TAX1BP1: variants seen among roughly 807,000 people sequenced by gnomAD.
TAX1BP1 encodes the protein Tax1 binding protein 1.
TAX1BP1 carries 62 observed loss-of-function variants against 97.7 expected under a neutral mutation model. The ratio of observed to expected loss-of-function variants is 0.63; its 90% CI spans 0.52 to 0.78. The LOEUF is 0.78. TAX1BP1 is among the 30% of genes least tolerant of loss of function. TAX1BP1 has a pLI of 0.00. For missense variants in TAX1BP1, 867 were observed against 916.1 expected, an observed-to-expected ratio of 0.95 and a Z score of 0.69; for synonymous variants, 340 against 304.2, an observed-to-expected ratio of 1.12 and a Z score of -1.23.
intron 4 of TAX1BP1, among the ~76,000 whole-genome samples, chr7:27,767,379 A>C (rs1788685032): frequency 6.6e-6 from 1 of 152,162 alleles, no homozygotes; most frequent in Non-Finnish European, 1.5e-5. Flanking sequence ...AGACTGGAGT[A>C]AAAAGACAAG....
chr7:27,766,046 A>G (rs1253550972), intron 4 of TAX1BP1, 25 bp downstream of exon 4: 19 of 1,596,632 alleles, frequency 1.2e-5, no homozygotes, highest in Non-Finnish European at 1.4e-5. Context: ...TGAGATAGTG[A>G]TTCATTGATA....
rs1270722613 is a variant in TAX1BP1 at position 27,753,345 on chromosome 7, A to T, written c.162+4659A>T. ...CTGCACCTGATGCCATATCTTTATT[A>T]TTAAACCAACGTTAATTGCAGTAAA... On this transcript the variant is annotated intron_variant, in intron 2 of 16. Transcript: ENST00000396319. Among the ~76,000 whole-genome samples, 4 of 152,370 alleles carry T rather than the reference A, an allele frequency of 2.6e-5. No individual in the cohort carries two copies. In the East Asian group the frequency reaches 7.7e-4, roughly 29 times the overall value.
intron 3 of TAX1BP1, among the ~76,000 whole-genome samples, chr7:27,764,178 A>G (rs1788534265): frequency 6.6e-6 from 1 of 152,226 alleles, no homozygotes; most frequent in South Asian, 2.1e-4. Context: ...CTAAAGTACA[A>G]ACCTTACTCA....
intron 2 of TAX1BP1, among the ~76,000 whole-genome samples, chr7:27,756,342 A>G (rs961403426): frequency 6.6e-6 from 1 of 152,096 alleles, no homozygotes; most frequent in African/African-American, 2.4e-5. Context: ...CTTAAGAACT[A>G]TTGTTTAGTT....
At chr7:27,799,751 A>T (rs1245354752) in intron 12 of TAX1BP1, among the ~76,000 whole-genome samples, 1 of 152,148 alleles carries the variant, frequency 6.6e-6, no homozygotes, top group African/African-American at 2.4e-5. Flanking sequence ...GTCAATTTGT[A>T]CATCTGCCTT....
At chr7:27,773,592 T>C (rs552077310) in intron 5 of TAX1BP1, among the ~76,000 whole-genome samples, 4 of 152,096 alleles carry the variant, frequency 2.6e-5, no homozygotes, top group Non-Finnish European at 5.9e-5. Context: ...TAGCATAATG[T>C]TTTCAAGGTT....
intron 4 of TAX1BP1, among the ~76,000 whole-genome samples, chr7:27,767,847 A>G (rs530926820): frequency 6.6e-6 from 1 of 152,062 alleles, no homozygotes; most frequent in Non-Finnish European, 1.5e-5. Flanking sequence ...TCTTAAGTAA[A>G]TATTTCTGAG....
At chr7:27,766,946 A>G (rs575248449) in intron 4 of TAX1BP1, among the ~76,000 whole-genome samples, 54 of 152,192 alleles carry the variant, frequency 3.5e-4, no homozygotes, top group Non-Finnish European at 6.5e-4. Flanking sequence ...AAATTTAAAA[A>G]GCTATTTACT....
intron 15 of TAX1BP1, among the ~76,000 whole-genome samples, chr7:27,820,092 G>T (rs989506817): frequency 1.8e-4 from 28 of 152,214 alleles, no homozygotes; most frequent in African/African-American, 4.1e-4. Context: ...TAACATTTGG[G>T]ATACGCTATT....
chr7:27,787,701 TA>T, intron 8 of TAX1BP1, 98 bp downstream of exon 8: 1 of 1,165,570 alleles, frequency 8.6e-7, no homozygotes, highest in South Asian at 2.0e-5. Flanking sequence ...GCTTTTGTTC[TA>T]AAAAAGTTCA....
At chr7:27,754,371 A>T (rs1337212900) in intron 2 of TAX1BP1, among the ~76,000 whole-genome samples, 1 of 148,678 alleles carries the variant, frequency 6.7e-6, no homozygotes, top group Non-Finnish European at 1.5e-5. Flanking sequence ...TGTAAAAAAA[A>T]ATTACAATTA....
Position 27,828,864 on chromosome 7 carries a change from T to TAAAAAAA in TAX1BP1, c.*46_*52dup. On this transcript the variant is annotated 3_prime_UTR_variant, in exon 17 of 17. Transcript: ENST00000396319. The stretch of plus-strand genomic sequence containing the variant: ...ATTATGAGTTAATATAGTTTAGCAG[T>TAAAAAAA]AAAAAAAAAAAAAAAAACCACACCT... 1.2e-5 allele frequency: 12 copies of TAAAAAAA among 988,524 alleles called. No homozygotes were observed. The highest frequency in any genetic ancestry group is 2.8e-5 in the East Asian group (1 of 36,188). The allele number at this position is 988,524 out of a possible 1,614,324, so 61.2% of individuals were successfully genotyped here. A position where few individuals can be genotyped will look rare whatever the true frequency, so the allele number is the denominator to read the frequency against.
intron 1 of TAX1BP1, among the ~76,000 whole-genome samples, chr7:27,741,742 G>A (rs191747544): frequency 6.6e-6 from 1 of 152,272 alleles, no homozygotes; most frequent in East Asian, 1.9e-4. Context: ...AAGACACAAA[G>A]TACAGAGAAA....
intron 4 of TAX1BP1, 34 bp downstream of exon 4, chr7:27,766,055 T>C (rs776833907): frequency 1.8e-5 from 29 of 1,588,746 alleles, no homozygotes; most frequent in Admixed American, 8.8e-5. Context: ...GATTCATTGA[T>C]AATTTTAAGA....
intron 15 of TAX1BP1, among the ~76,000 whole-genome samples, chr7:27,820,068 G>T (rs1790916736): frequency 6.6e-6 from 1 of 152,160 alleles, no homozygotes; most frequent in South Asian, 2.1e-4. Flanking sequence ...ATCTTTAGGT[G>T]ATCATATGAT....
chr7:27,785,991 C>CATAT (rs766971586), intron 7 of TAX1BP1, among the ~76,000 whole-genome samples: 10 of 151,496 alleles, frequency 6.6e-5, no homozygotes, highest in African/African-American at 2.4e-4. Flanking sequence ...TTTTTAAGAA[C>CATAT]ATATATATAT....
chr7:27,817,176 C>T, intron 15 of TAX1BP1, 138 bp downstream of exon 15: 1 of 1,039,056 alleles, frequency 9.6e-7, no homozygotes, highest in Non-Finnish European at 1.3e-6. Flanking sequence ...CTTGTGCCTG[C>T]ACACAATTGC....
chr7:27,785,065 A>T, intron 5 of TAX1BP1, 98 bp from the exon 6 acceptor site: 1 of 1,262,476 alleles, frequency 7.9e-7, no homozygotes, highest in Non-Finnish European at 1.1e-6. Context: ...ATGTGGGATT[A>T]AAATTCTAAG....
chr7:27,784,443 A>G (rs1441669320), intron 5 of TAX1BP1, among the ~76,000 whole-genome samples: 2 of 152,114 alleles, frequency 1.3e-5, no homozygotes, highest in African/African-American at 4.8e-5. Flanking sequence ...GTGTCTTTGA[A>G]TATTTGTTTA....
Sources: allele counts gnomAD v4.1 joint callset (sites outside exome capture counted in the v4.1 genomes callset), GRCh38; gene constraint gnomAD v4.1.1; transcripts MANE v1.5; gene names NCBI Gene and HGNC (gene_info 2026-07-23, HGNC 2026-07-21).